The following KCNIP4 variants were observed in gnomAD, a reference collection of about 807,000 sequenced individuals.
KCNIP4 encodes Kv channel-interacting protein 4.
KCNIP4 carries 12 observed loss-of-function variants against 34.0 expected under a neutral mutation model. The observed-to-expected ratio is 0.35, with a 90% CI of 0.23 to 0.57. The LOEUF (loss-of-function observed/expected upper bound fraction) is 0.57, where lower values mean the gene tolerates loss of function less well. KCNIP4 is among the 20% of genes least tolerant of loss of function. The pLI is 0.83. For missense variants in KCNIP4, 238 were observed against 311.7 expected, an observed-to-expected ratio of 0.76 and a Z score of 1.78; for synonymous variants, 124 against 102.2, an observed-to-expected ratio of 1.21 and a Z score of -1.29.
intron 1 of KCNIP4, among the ~76,000 whole-genome samples, chr4:20,928,575 A>G (rs146310034): frequency 4.8e-4 from 73 of 152,094 alleles, no homozygotes; most frequent in African/African-American, 1.5e-3. Flanking sequence ...AAAAAAGAAG[A>G]GCAAACTAAA....
At chr4:21,809,739 C>T (rs1183057465) in intron 1 of KCNIP4, among the ~76,000 whole-genome samples, 1 of 152,068 alleles carries the variant, frequency 6.6e-6, no homozygotes, top group Non-Finnish European at 1.5e-5. Flanking sequence ...TGTTATTTAA[C>T]TCTACACATG....
At chr4:20,916,553 T>C (rs906808931) in intron 1 of KCNIP4, among the ~76,000 whole-genome samples, 1 of 152,162 alleles carries the variant, frequency 6.6e-6, no homozygotes, top group African/African-American at 2.4e-5. Flanking sequence ...TTTTAGAAGT[T>C]CATTTTAATT....
intron 2 of KCNIP4, among the ~76,000 whole-genome samples, chr4:20,864,082 A>C (rs886421121): frequency 2.0e-5 from 3 of 151,490 alleles, no homozygotes; most frequent in Non-Finnish European, 2.9e-5. Context: ...GTATGTATGT[A>C]TGTATATGCA....
At chr4:21,485,639 TCCTCAATGAAA>T (rs1731834755) in intron 1 of KCNIP4, among the ~76,000 whole-genome samples, 1 of 152,184 alleles carries the variant, frequency 6.6e-6, no homozygotes, top group Non-Finnish European at 1.5e-5. Flanking sequence ...CCACATCATA[TCCTCAATGAAA>T]CCTCCTCGCC....
At chr4:21,073,960 A>C (rs1198473419) in intron 1 of KCNIP4, among the ~76,000 whole-genome samples, 1 of 152,152 alleles carries the variant, frequency 6.6e-6, no homozygotes, top group Non-Finnish European at 1.5e-5. Context: ...TGTATGTTGA[A>C]CCAGCCTTGC....
chr4:21,743,436 T>G (rs1467382477), intron 1 of KCNIP4, among the ~76,000 whole-genome samples: 1 of 151,448 alleles, frequency 6.6e-6, no homozygotes, highest in East Asian at 1.9e-4. Context: ...TAGAGAATCT[T>G]GTGATTACAT....
At chr4:21,192,077 C>T (rs1474741257) in intron 1 of KCNIP4, among the ~76,000 whole-genome samples, 1 of 152,100 alleles carries the variant, frequency 6.6e-6, no homozygotes, top group East Asian at 1.9e-4. Flanking sequence ...TTGTTTGAGA[C>T]ACTTACAAGC....
At chr4:20,919,702 CAAA>C (rs573617142) in intron 1 of KCNIP4, among the ~76,000 whole-genome samples, 1 of 57,252 alleles carries the variant, frequency 1.7e-5, no homozygotes, top group African/African-American at 5.8e-5. Flanking sequence ...GACTCCGTCT[CAAA>C]AAAAAAAAAA....
At chr4:21,293,031 C>T (rs188684776) in intron 1 of KCNIP4, among the ~76,000 whole-genome samples, 1 of 152,152 alleles carries the variant, frequency 6.6e-6, no homozygotes. Flanking sequence ...TCAGGACAAA[C>T]AGTTTTAGGG....
At chr4:21,868,623 C>T (rs1051268062) in intron 1 of KCNIP4, among the ~76,000 whole-genome samples, 1 of 151,968 alleles carries the variant, frequency 6.6e-6, no homozygotes, top group African/African-American at 2.4e-5. Context: ...CAGTTAAATG[C>T]TAACTATTGT....
chr4:21,064,609 C>T (rs1473091560), intron 1 of KCNIP4, among the ~76,000 whole-genome samples: 3 of 151,966 alleles, frequency 2.0e-5, no homozygotes, highest in Non-Finnish European at 4.4e-5. Flanking sequence ...TCTGGAAAGA[C>T]TGAATAGGAA....
intron 1 of KCNIP4, among the ~76,000 whole-genome samples, chr4:21,425,160 A>C (rs1035463771): frequency 4.5e-4 from 68 of 152,284 alleles, no homozygotes; most frequent in African/African-American, 1.5e-3. Flanking sequence ...CTCTGGTTAT[A>C]TATTCTTTTC....
At chr4:21,552,802 G>T (rs1738687250) in intron 1 of KCNIP4, among the ~76,000 whole-genome samples, 1 of 151,870 alleles carries the variant, frequency 6.6e-6, no homozygotes, top group African/African-American at 2.4e-5. Flanking sequence ...AGACCTCCTG[G>T]GGTTCACAAA....
intron 1 of KCNIP4, among the ~76,000 whole-genome samples, chr4:20,945,589 G>A (rs1463774750): frequency 6.6e-6 from 1 of 152,104 alleles, no homozygotes; most frequent in Non-Finnish European, 1.5e-5. Flanking sequence ...GTGTACGTGT[G>A]TGAGTGTGTG....
chr4:21,887,834 A>C (rs888900731), intron 1 of KCNIP4, among the ~76,000 whole-genome samples: 2 of 152,160 alleles, frequency 1.3e-5, no homozygotes, highest in Non-Finnish European at 2.9e-5. Flanking sequence ...GATTGAAACC[A>C]GTTGATTTTG....
intron 1 of KCNIP4, among the ~76,000 whole-genome samples, chr4:21,072,656 C>T (rs754941092): frequency 1.3e-5 from 2 of 152,068 alleles, no homozygotes; most frequent in Non-Finnish European, 2.9e-5. Flanking sequence ...TTAATTAGAT[C>T]CCATTTGTCA....
intron 4 of KCNIP4, 58 bp from the exon 5 acceptor site, chr4:20,749,790 T>A: frequency 3.4e-6 from 4 of 1,174,798 alleles, no homozygotes; most frequent in Non-Finnish European, 1.2e-6. Context: ...TACATAAGAC[T>A]TGGATAGCAG....
intron 1 of KCNIP4, among the ~76,000 whole-genome samples, chr4:21,081,548 T>G (rs1213874312): frequency 2.6e-5 from 4 of 151,740 alleles, no homozygotes; most frequent in Non-Finnish European, 2.9e-5. Context: ...AAGAAATTAT[T>G]TATTAAGAAG....
At chr4:21,547,286 C>T (rs1286603762) in intron 1 of KCNIP4, among the ~76,000 whole-genome samples, 1 of 151,982 alleles carries the variant, frequency 6.6e-6, no homozygotes, top group Non-Finnish European at 1.5e-5. Context: ...TTGATGCAGC[C>T]ATAGCTGACT....
Sources: allele counts gnomAD v4.1 joint callset (sites outside exome capture counted in the v4.1 genomes callset), GRCh38; gene constraint gnomAD v4.1.1; transcripts MANE v1.5; gene names NCBI Gene and HGNC (gene_info 2026-07-23, HGNC 2026-07-21).